Variants in PSD3 observed in about 807,000 individuals in gnomAD.
PSD3 encodes the protein pleckstrin and Sec7 domain containing 3.
Under a neutral mutation model 105.5 loss-of-function variants are expected in PSD3, and 49 were observed. The observed-to-expected ratio is 0.46, with a 90% confidence interval of 0.37 to 0.59. PSD3 has a LOEUF of 0.59. Ranked by LOEUF, PSD3 falls within the 20% of genes least tolerant of loss-of-function variation. The pLI is 0.00. For synonymous variants in PSD3, 557 were observed against 457.8 expected (o/e 1.22, Z -2.77); for missense variants, 1,561 against 1,263.8 (o/e 1.24, Z -3.57).
intron 4 of PSD3, among the ~76,000 whole-genome samples, chr8:18,807,757 T>G (rs924573211): frequency 6.6e-6 from 1 of 152,182 alleles, no homozygotes; most frequent in African/African-American, 2.4e-5. Flanking sequence ...AAAATCTCCA[T>G]GAAAATACAT....
intron 4 of PSD3, among the ~76,000 whole-genome samples, chr8:18,861,449 G>C (rs1233823296): frequency 6.6e-6 from 1 of 152,072 alleles, no homozygotes; most frequent in Non-Finnish European, 1.5e-5. Context: ...AGTCTCTCCA[G>C]TGACCTTCAG....
chr8:18,657,696 T>C (rs562302029), intron 9 of PSD3, among the ~76,000 whole-genome samples: 8 of 152,330 alleles, frequency 5.3e-5, no homozygotes, highest in African/African-American at 1.4e-4. Flanking sequence ...AGGGCTTTCG[T>C]TGGATAAACG....
At chr8:18,798,977 A>G (rs1187278167) in intron 8 of PSD3, among the ~76,000 whole-genome samples, 1 of 152,102 alleles carries the variant, frequency 6.6e-6, no homozygotes, top group African/African-American at 2.4e-5. Flanking sequence ...ATCATTATCT[A>G]TCAACTGTAA....
chr8:18,752,285 T>A (rs1805555924), intron 9 of PSD3, among the ~76,000 whole-genome samples: 1 of 149,864 alleles, frequency 6.7e-6, no homozygotes, highest in Non-Finnish European at 1.5e-5. Context: ...AAACTGAAAT[T>A]ATTTCTTTAA....
At chr8:19,070,076 C>G (rs1465284643) in intron 1 of PSD3, among the ~76,000 whole-genome samples, 1 of 151,852 alleles carries the variant, frequency 6.6e-6, no homozygotes, top group Non-Finnish European at 1.5e-5. Flanking sequence ...TCCCAAGTAG[C>G]TGGATTAGGA....
chr8:18,958,709 A>G (rs1024816938), intron 1 of PSD3, among the ~76,000 whole-genome samples: 2 of 152,232 alleles, frequency 1.3e-5, no homozygotes, highest in Non-Finnish European at 2.9e-5. Context: ...CCATATGGTT[A>G]GCAGAATACA....
chr8:18,739,840 C>T (rs1473480), intron 9 of PSD3, among the ~76,000 whole-genome samples: 4,367 of 152,232 alleles, frequency 0.029, 86 homozygotes, highest in Non-Finnish European at 0.039. Context: ...TGGCTAAGAT[C>T]AACTATAGTA....
intron 10 of PSD3, among the ~76,000 whole-genome samples, chr8:18,645,667 A>G (rs1297999024): frequency 1.3e-5 from 2 of 152,296 alleles, no homozygotes; most frequent in Admixed American, 1.3e-4. Flanking sequence ...CCATGTTAGG[A>G]ATTTGAGTAC....
At chr8:18,635,605 T>C (rs1397668112) in intron 10 of PSD3, among the ~76,000 whole-genome samples, 2 of 152,062 alleles carry the variant, frequency 1.3e-5, no homozygotes, top group African/African-American at 2.4e-5. Flanking sequence ...CTTTGCACTA[T>C]TTACAACACC....
At chr8:18,734,472 G>A (rs974420361) in intron 9 of PSD3, 1 of 152,122 alleles carries the variant, frequency 6.6e-6, no homozygotes, top group African/African-American at 2.4e-5. Context: ...ATGGTTCAAT[G>A]GTTCTAGGTC....
intron 12 of PSD3, among the ~76,000 whole-genome samples, chr8:18,575,905 A>C (rs916888410): frequency 3.3e-5 from 5 of 152,196 alleles, no homozygotes; most frequent in African/African-American, 1.2e-4. Flanking sequence ...AAAAATAGGT[A>C]AATGCATATG....
intron 1 of PSD3, among the ~76,000 whole-genome samples, chr8:18,944,066 T>A (rs1822714736): frequency 6.6e-6 from 1 of 152,194 alleles, no homozygotes; most frequent in Non-Finnish European, 1.5e-5. Context: ...ATTATACTCC[T>A]TAACTTTCAT....
At chr8:18,618,792 C>A (rs993116229) in intron 11 of PSD3, among the ~76,000 whole-genome samples, 1 of 152,050 alleles carries the variant, frequency 6.6e-6, no homozygotes, top group Admixed American at 6.6e-5. Flanking sequence ...GCAATCCTCC[C>A]ACCTTAGCCC....
intron 1 of PSD3, among the ~76,000 whole-genome samples, chr8:19,069,741 T>G (rs1248735925): frequency 6.6e-6 from 1 of 152,190 alleles, no homozygotes; most frequent in Non-Finnish European, 1.5e-5. Context: ...GAATTTGCCC[T>G]GAATCACTCA....
chr8:18,750,122 A>G (rs562936686), intron 9 of PSD3, among the ~76,000 whole-genome samples: 3 of 152,084 alleles, frequency 2.0e-5, no homozygotes, highest in South Asian at 4.2e-4. Context: ...AAACTAACAC[A>G]TTCTCCTTCA....
intron 9 of PSD3, among the ~76,000 whole-genome samples, chr8:18,696,098 AC>A (rs1801243176): frequency 6.6e-6 from 1 of 152,218 alleles, no homozygotes; most frequent in Non-Finnish European, 1.5e-5. Flanking sequence ...GGGAGACAGG[AC>A]CTGCATCTGA....
rs767625025 is a variant in PSD3, at chr8:18,801,274, T to C, written c.2019A>G (p.Ser673=). 3 of 1,546,536 alleles carry C rather than the reference T, an allele frequency of 1.9e-6. No individual in the cohort carries two copies. Among genetic ancestry groups the C allele is most frequent in the South Asian group, 1.2e-5 (1 of 86,670 alleles). The part of the protein sequence containing the change: ...YFYCNPDTIA[S]QDGVHCLTCA... ...CAAGGATTTGTATCAGATTACCTTG[T>C]GAAGCAATGGTATCTGGGTTACAAT... is the stretch of plus-strand genomic sequence containing the variant. The change falls in exon 7 of 16, where the codon TCA becomes TCG. Residue 673 remains serine, a synonymous_variant. Coordinates refer to ENST00000327040, the MANE Select transcript of PSD3 (RefSeq NM_015310.4).
intron 4 of PSD3, among the ~76,000 whole-genome samples, chr8:18,836,192 A>T (rs1814095025): frequency 6.6e-6 from 1 of 152,224 alleles, no homozygotes; most frequent in Non-Finnish European, 1.5e-5. Context: ...CTTTCAAAGT[A>T]ACCGTAACCC....
chr8:18,849,968 G>A (rs1815433621), intron 4 of PSD3, among the ~76,000 whole-genome samples: 2 of 152,218 alleles, frequency 1.3e-5, no homozygotes, highest in Non-Finnish European at 2.9e-5. Flanking sequence ...TGCAGAGACA[G>A]ATTTAACTCT....
Sources: gnomAD v4.1 joint callset for allele counts (sites outside exome capture counted in the v4.1 genomes callset) on GRCh38, gnomAD v4.1.1 for gene constraint, MANE v1.5 for transcripts, NCBI Gene and HGNC (gene_info 2026-07-23, HGNC 2026-07-21) for gene names.